VPS13C: variants seen among roughly 807,000 people sequenced by gnomAD.
The protein encoded by VPS13C is intermembrane lipid transfer protein VPS13C.
VPS13C carries 358 observed loss-of-function variants against 456.8 expected under a neutral mutation model. The observed-to-expected ratio is 0.78, with a 90% CI of 0.72 to 0.86. The LOEUF (loss-of-function observed/expected upper bound fraction) is 0.86. Ranked by LOEUF, VPS13C falls within the 40% of genes least tolerant of loss-of-function variation. The probability of loss-of-function intolerance (pLI) is 0.00; values close to 1 mark genes in which losing one functional copy is unlikely to be tolerated. For synonymous variants in VPS13C, 1,578 were observed against 1,486.7 expected, an observed-to-expected ratio of 1.06 and a Z score of -1.41; for missense variants, 4,818 against 4,385.4, an observed-to-expected ratio of 1.10 and a Z score of -2.79.
intron 15 of VPS13C, among the ~76,000 whole-genome samples, chr15:62,003,193 A>T (rs991015460): frequency 6.6e-6 from 1 of 151,448 alleles, no homozygotes; most frequent in Admixed American, 6.6e-5. Context: ...CTTTTATTTC[A>T]TTGAGCAGTG....
intron 5 of VPS13C, among the ~76,000 whole-genome samples, chr15:62,031,059 T>C (rs1446237176): frequency 3.3e-5 from 5 of 152,040 alleles, no homozygotes; most frequent in African/African-American, 1.2e-4. Context: ...CTCACTCCAA[T>C]GAAATAAAAG....
In VPS13C at chr15:61,867,481, T is replaced by C. The variant is rs1408336451; in HGVS notation, c.10863+1178A>G. The stretch of plus-strand genomic sequence containing the variant: ...AATAGTCCCGTAACTTAAGCAAATT[T>C]AGAGCCATTTGTGAAACAGAAAGCT... On this transcript the variant is annotated intron_variant, in intron 81 of 84. Transcript: ENST00000644861. The surrounding 1 kb of genome is among the most constrained non-coding windows in gnomAD (Gnocchi z 5.0). 13 of 988,372 alleles carry C rather than the reference T, an allele frequency of 1.3e-5. No individual in the cohort carries two copies. The highest frequency in any genetic ancestry group is 1.6e-5 in the Non-Finnish European group (13 of 832,280). 61.2% of individuals were successfully genotyped at this position (988,372 alleles called of 1,614,324 possible).
intron 14 of VPS13C, among the ~76,000 whole-genome samples, chr15:62,007,771 C>T (rs148577391): frequency 3.3e-5 from 5 of 152,176 alleles, no homozygotes; most frequent in Admixed American, 1.3e-4. Flanking sequence ...GACTGATAAG[C>T]GATAAAACTT....
intron 1 of VPS13C, 54 bp downstream of exon 1, chr15:62,060,221 C>T: frequency 9.5e-7 from 1 of 1,049,836 alleles, no homozygotes; most frequent in Non-Finnish European, 1.4e-6. Context: ...GACGGAGCAG[C>T]CCTCGGCTGG....
At chr15:61,865,062 C>T in intron 81 of VPS13C, 1 of 984,560 alleles carries the variant, frequency 1.0e-6, no homozygotes, top group South Asian at 4.7e-5. Context: ...TACTAAAAAC[C>T]CACTACACTC....
At chr15:61,854,838 A>C in intron 84 of VPS13C, 33 bp downstream of exon 84, 2 of 1,572,678 alleles carry the variant, frequency 1.3e-6, no homozygotes, top group Non-Finnish European at 1.7e-6. Context: ...TTTCAGCTAA[A>C]AAAAATTGAG....
chr15:61,897,886 A>G (rs1280579646), intron 66 of VPS13C, among the ~76,000 whole-genome samples: 1 of 152,250 alleles, frequency 6.6e-6, no homozygotes, highest in Non-Finnish European at 1.5e-5. Flanking sequence ...GAAGCCCATC[A>G]GACTAACAGC....
rs200449323 is a variant in VPS13C at position 61,907,258 on chromosome 15, A to C, written c.9105+6T>G. ...TCATATAGCACTCATTCACATCAAA[A>C]GATACCTTTAACAGATCATGTTCCC... On this transcript the variant is annotated splice_donor_region_variant and intron_variant, in intron 66 of 84. Transcript: ENST00000644861. The C allele has an allele frequency of 6.2e-7, 1 of 1,613,624 alleles. No homozygotes were observed. Among genetic ancestry groups the C allele is most frequent in the Admixed American group, 1.7e-5 (1 of 60,004 alleles).
chr15:62,057,733 T>C (rs925445750), intron 1 of VPS13C, among the ~76,000 whole-genome samples: 5 of 152,222 alleles, frequency 3.3e-5, no homozygotes, highest in Non-Finnish European at 7.3e-5. Flanking sequence ...TCTCCTTTTC[T>C]AGATTTCACC....
intron 66 of VPS13C, among the ~76,000 whole-genome samples, chr15:61,894,073 A>T (rs2042730881): frequency 6.6e-6 from 1 of 152,150 alleles, no homozygotes; most frequent in Non-Finnish European, 1.5e-5. Context: ...TGGGAGGCCG[A>T]GGTGGGCGGA....
Position 61,913,385 on chromosome 15 carries a change from A to T in VPS13C, c.8476T>A (p.Ser2826Thr). ...VQLKISTSAW[S>T]SSFSLDTVGS... ...ACTGTATCCAATGAGAAACTACTGG[A>T]CCAGGCACTGGTTGAAATTTTTAAT... The change falls in exon 62 of 85, where the codon TCC (serine) becomes ACC (threonine). Residue 2826 changes from serine (S) to threonine (T), a missense_variant. Ser to Thr is a moderately conservative substitution (Grantham distance 58). Coordinates refer to ENST00000644861, the MANE Select transcript of VPS13C (RefSeq NM_020821.3). The T allele has an allele frequency of 2.0e-5, 32 of 1,614,062 alleles. No homozygotes were observed. Among genetic ancestry groups the T allele is most frequent in the Non-Finnish European group, 2.7e-5 (32 of 1,179,956 alleles).
chr15:61,944,171 A>G (rs2140268030), intron 45 of VPS13C, among the ~76,000 whole-genome samples: 1 of 152,278 alleles, frequency 6.6e-6, no homozygotes, highest in Non-Finnish European at 1.5e-5. Flanking sequence ...AGAGAAGAGA[A>G]CAATTACATA....
At chr15:62,007,507 T>G in intron 14 of VPS13C, 28 bp from the exon 15 acceptor site, 1 of 1,533,306 alleles carries the variant, frequency 6.5e-7, no homozygotes, top group Non-Finnish European at 8.8e-7. Context: ...TTAACGTAAA[T>G]GTTAATATAA....
Position 61,931,121 on chromosome 15 carries a change from G to A in VPS13C, c.6007C>T (p.Leu2003Phe). The change falls in exon 50 of 85, where the codon CTC becomes TTC. Residue 2003 changes from leucine to phenylalanine, a missense_variant. Around this residue, in one of 3 missense-constraint regions of VPS13C, gnomAD observed 4,552 missense variants for 4,130.6 expected, o/e 1.10. Coordinates refer to ENST00000644861, the MANE Select transcript of VPS13C (RefSeq NM_020821.3). ...VKLKTCTLDD[L>F]REGIERATSR... The stretch of plus-strand genomic sequence containing the variant: ...GTTGCTCTCTCAATTCCTTCTCTGA[G>A]ATCATCAAGGGTGCATGTCTTAAGT... 2 of 1,614,054 alleles carry A rather than the reference G, an allele frequency of 1.2e-6. No individual in the cohort carries two copies. Among genetic ancestry groups the A allele is most frequent in the East Asian group, 2.2e-5 (1 of 44,862 alleles).
chr15:62,021,748 G>A (rs991929334), intron 8 of VPS13C, among the ~76,000 whole-genome samples: 1 of 151,826 alleles, frequency 6.6e-6, no homozygotes, highest in Non-Finnish European at 1.5e-5. Flanking sequence ...ACAATGATTT[G>A]TGGCAAAATA....
At chr15:62,007,057 A>T (rs983619949) in intron 15 of VPS13C, among the ~76,000 whole-genome samples, 3 of 152,184 alleles carry the variant, frequency 2.0e-5, no homozygotes, top group African/African-American at 7.2e-5. Context: ...ACATTATTAT[A>T]AAAACCAGTC....
chr15:61,922,602 G>A lies in VPS13C; in HGVS notation c.6770C>T (p.Ala2257Val), dbSNP rs752579641. The change falls in exon 54 of 85, where the codon GCA (alanine) becomes GTA (valine). Residue 2257 changes from alanine (A) to valine (V), a missense_variant. By Grantham distance (64) the Ala-to-Val change is moderately conservative. Coordinates refer to ENST00000644861, the MANE Select transcript of VPS13C (RefSeq NM_020821.3). ...YNTWFLGVDTATEITESFKGI... is the reference protein window; with the variant it reads ...YNTWFLGVDTVTEITESFKGI... ...TTTGAAGCTTTCCGTTATTTCTGTTGCCGTGTCAACACCAAGAAACCAAGT... is the reference window on the plus strand; with the variant it reads ...TTTGAAGCTTTCCGTTATTTCTGTTACCGTGTCAACACCAAGAAACCAAGT... The A allele has an allele frequency of 6.2e-7, 1 of 1,613,964 alleles. No homozygotes were observed. Among genetic ancestry groups the A allele is most frequent in the Non-Finnish European group, 8.5e-7 (1 of 1,179,964 alleles).
At chr15:61,865,582 GTA>G (rs910119220) in intron 81 of VPS13C, 8 of 695,462 alleles carry the variant, frequency 1.2e-5, no homozygotes, top group African/African-American at 7.8e-5. Flanking sequence ...ATATATGTGT[GTA>G]TATGTGTGTG....
At chr15:61,981,073 C>G (rs2045870200) in intron 22 of VPS13C, among the ~76,000 whole-genome samples, 1 of 152,144 alleles carries the variant, frequency 6.6e-6, no homozygotes, top group East Asian at 1.9e-4. Flanking sequence ...ACTATGAAAA[C>G]TACGAATGCT....
Sources: gnomAD v4.1 joint callset for allele counts (sites outside exome capture counted in the v4.1 genomes callset) on GRCh38, gnomAD v4.1.1 for gene constraint, gnomAD v4.1.1 regional missense constraint, Gnocchi (gnomAD v3.1) non-coding constraint, MANE v1.5 for transcripts, NCBI Gene and HGNC (gene_info 2026-07-23, HGNC 2026-07-21) for gene names.